The following ADISSP variants were observed in gnomAD, a reference collection of about 807,000 sequenced individuals.
ADISSP encodes the protein adipose-secreted signaling protein.
chr20:3,759,796 C>T, the ADISSP span, among the ~76,000 whole-genome samples: 5 of 152,180 alleles, frequency 3.3e-5, no homozygotes, highest in Admixed American at 6.5e-5. The surrounding 1 kb of genome is among the most constrained non-coding windows in gnomAD (Gnocchi z 4.6). Context: ...CTCGGCTCCC[C>T]CAACCCCCAC....
At chr20:3,760,364 T>C in the ADISSP span, among the ~76,000 whole-genome samples, 2 of 152,134 alleles carry the variant, frequency 1.3e-5, no homozygotes, top group South Asian at 4.1e-4. Flanking sequence ...ACTGCCCACA[T>C]TCACCAAGAG....
chr20:3,759,973 G>GCACA, the ADISSP span: 10 of 1,358,320 alleles, frequency 7.4e-6, no homozygotes, highest in Non-Finnish European at 1.0e-5. This position sits in a 1 kb window ranked among gnomAD's most constrained non-coding sequence, Gnocchi z 4.6. Context: ...ACTCACACAT[G>GCACA]CACACACACA....
chr20:3,760,188 T>TTGCGGGGTGCACCCC, the ADISSP span: 1 of 1,154,416 alleles, frequency 8.7e-7, no homozygotes, highest in Non-Finnish European at 1.3e-6. Flanking sequence ...AGCGGGAGCC[T>TTGCGGGGTGCACCCC]GAAGGATAGG....
At chr20:3,756,883 G>A in the ADISSP span, among the ~76,000 whole-genome samples, 13 of 152,130 alleles carry the variant, frequency 8.5e-5, no homozygotes, top group Admixed American at 1.3e-4. Context: ...AAAATCTCGT[G>A]GAAAATTATT....
the ADISSP span, chr20:3,754,552 T>C: frequency 1.3e-6 from 2 of 1,594,590 alleles, no homozygotes. Flanking sequence ...GGTCAGCACC[T>C]CCCCCAGCCT....
At chr20:3,753,945 AC>A in the ADISSP span, 1 of 789,128 alleles carries the variant, frequency 1.3e-6, no homozygotes, top group Admixed American at 2.1e-5. Context: ...AGGCCACTCC[AC>A]CCCCACACCC....
At chr20:3,757,945 C>T in the ADISSP span, among the ~76,000 whole-genome samples, 1 of 151,938 alleles carries the variant, frequency 6.6e-6, no homozygotes, top group East Asian at 1.9e-4. Context: ...AACTCTGGAC[C>T]CCTGATTTAT....
the ADISSP span, chr20:3,760,052 C>T: frequency 6.2e-7 from 1 of 1,610,610 alleles, no homozygotes; most frequent in Non-Finnish European, 8.5e-7. Flanking sequence ...AGAGCTTGTG[C>T]AAGTCCTACC....
the ADISSP span, among the ~76,000 whole-genome samples, chr20:3,762,973 G>A: frequency 6.6e-6 from 1 of 152,096 alleles, no homozygotes; most frequent in African/African-American, 2.4e-5. Context: ...ATTTTGGGGG[G>A]TGCCGGGCGC....
chr20:3,755,509 G>C, the ADISSP span: 1 of 1,612,956 alleles, frequency 6.2e-7, no homozygotes, highest in Non-Finnish European at 8.5e-7. Context: ...TGAGGTGCAG[G>C]CTGGGGACAG....
chr20:3,754,014 G>A, the ADISSP span: 33 of 1,423,990 alleles, frequency 2.3e-5, no homozygotes, highest in African/African-American at 4.2e-5. Flanking sequence ...GGGACAAGGC[G>A]GGGTTTAAGG....
chr20:3,763,472 G>C, the ADISSP span, among the ~76,000 whole-genome samples: 35,926 of 149,410 alleles, frequency 0.24, 4,542 homozygotes, highest in African/African-American at 0.3. Flanking sequence ...CAGGAGAATC[G>C]CTTGAACCCA....
chr20:3,754,506 C>T, the ADISSP span: 16 of 1,613,914 alleles, frequency 9.9e-6, no homozygotes, highest in East Asian at 2.2e-5. Context: ...AGTACTCACA[C>T]TTGACACTAT....
At chr20:3,764,821 G>A in the ADISSP span, among the ~76,000 whole-genome samples, 7 of 152,232 alleles carry the variant, frequency 4.6e-5, no homozygotes, top group East Asian at 1.9e-4. Context: ...TGACTGCACT[G>A]GGGGCTCTGA....
At chr20:3,762,170 G>T in the ADISSP span, among the ~76,000 whole-genome samples, 1 of 152,064 alleles carries the variant, frequency 6.6e-6, no homozygotes, top group African/African-American at 2.4e-5. Context: ...TAGTTGGGAG[G>T]TTGAGGCAGG....
the ADISSP span, among the ~76,000 whole-genome samples, chr20:3,756,823 G>T: frequency 6.6e-6 from 1 of 152,144 alleles, no homozygotes; most frequent in Non-Finnish European, 1.5e-5. Context: ...CAGGAACAGG[G>T]AGCCAGCTAA....
chr20:3,757,879 C>A, the ADISSP span, among the ~76,000 whole-genome samples: 170 of 152,202 alleles, frequency 1.1e-3, no homozygotes, highest in Middle Eastern at 6.8e-3. Flanking sequence ...GCAGACCCCC[C>A]ACTCAGGGCC....
chr20:3,761,461 G>A, the ADISSP span, among the ~76,000 whole-genome samples: 1 of 151,692 alleles, frequency 6.6e-6, no homozygotes, highest in Non-Finnish European at 1.5e-5. Context: ...TCAGCATCCC[G>A]AGTAGCTGGG....
At chr20:3,762,274 G>GA in the ADISSP span, among the ~76,000 whole-genome samples, 83 of 132,160 alleles carry the variant, frequency 6.3e-4, no homozygotes, top group Non-Finnish European at 6.9e-4. Context: ...TCTGTCTCAA[G>GA]AAAAAAAAAA....
Sources: allele counts gnomAD v4.1 joint callset (sites outside exome capture counted in the v4.1 genomes callset), GRCh38; gene constraint gnomAD v4.1.1; non-coding constraint Gnocchi (gnomAD v3.1); transcripts MANE v1.5; gene names NCBI Gene and HGNC (gene_info 2026-07-23, HGNC 2026-07-21).